The following TMEM74 variants were observed in gnomAD, a reference collection of about 807,000 sequenced individuals.
TMEM74 encodes transmembrane protein 74.
A neutral mutation model predicts 18.1 loss-of-function variants in TMEM74; 13 were observed. The observed-to-expected ratio is 0.72, with a 90% CI of 0.47 to 1.14. The LOEUF (loss-of-function observed/expected upper bound fraction) is 1.14. Among genes scored for constraint, TMEM74 ranks in the 50% most tolerant of loss-of-function variants. TMEM74 has a pLI of 0.00. For missense variants in TMEM74, 372 were observed against 375.9 expected (o/e 0.99, Z 0.09); for synonymous variants, 159 against 146.6 (o/e 1.08, Z -0.61).
intron 1 of TMEM74, among the ~76,000 whole-genome samples, chr8:108,676,321 G>A (rs1316136980): frequency 3.9e-5 from 6 of 152,130 alleles, no homozygotes; most frequent in South Asian, 4.1e-4. Context: ...GGGACCCTAC[G>A]TGGTCTTGTC....
intron 1 of TMEM74, among the ~76,000 whole-genome samples, chr8:108,667,894 A>G (rs984782512): frequency 1.3e-5 from 2 of 152,056 alleles, no homozygotes; most frequent in African/African-American, 4.8e-5. Context: ...ACCTCCTCCC[A>G]TAATACTAAG....
At position 108,784,923 on chromosome 8, in the gene TMEM74, T is replaced by G. The variant is rs747578668; in HGVS notation, c.176A>C (p.Lys59Thr). ...TPRATEMEGS[K>T]LSSSPASPSS... Reference sequence around the variant, plus strand: ...GGGGGATGCTGGAGAAGAACTAAGTTTAGACCCTTCCATCTCGGTTGCTCT... The same window carrying G: ...GGGGGATGCTGGAGAAGAACTAAGTGTAGACCCTTCCATCTCGGTTGCTCT... Residue 59 changes from lysine (K) to threonine (T), a missense_variant, in exon 2 of 2, where the codon AAA becomes ACA. Physicochemically the swap from Lys to Thr is moderately conservative, Grantham distance 78. Coordinates refer to ENST00000297459, the MANE Select transcript of TMEM74 (RefSeq NM_153015.3). The G allele has an allele frequency of 6.2e-7, 1 of 1,614,106 alleles. No individual in the cohort carries two copies. The highest frequency in any genetic ancestry group is 1.1e-5 in the South Asian group (1 of 91,070).
intron 1 of TMEM74, among the ~76,000 whole-genome samples, chr8:108,729,045 G>A (rs1813668832): frequency 6.6e-6 from 1 of 152,194 alleles, no homozygotes; most frequent in Non-Finnish European, 1.5e-5. Flanking sequence ...CTGCAAATGA[G>A]ACTTCTTTAT....
At chr8:108,744,038 T>C (rs1261660718) in intron 1 of TMEM74, among the ~76,000 whole-genome samples, 1 of 151,242 alleles carries the variant, frequency 6.6e-6, no homozygotes, top group East Asian at 2.0e-4. Flanking sequence ...GGGCAATGTT[T>C]AGTGCACCTG....
In TMEM74 at chr8:108,730,634, C is replaced by CTTTTTTTTTTTT. The variant is rs1199122765; in HGVS notation, n.119+56830_119+56841dup. Among the ~76,000 whole-genome samples, 17 of 132,168 alleles carry CTTTTTTTTTTTT rather than the reference C, an allele frequency of 1.3e-4. 1 individual carries two copies. The highest frequency in any genetic ancestry group is 3.7e-4 in the African/African-American group (12 of 32,624). The allele number at this position is 132,168 out of a possible 152,430, so 86.7% of individuals were successfully genotyped here. A position where few individuals can be genotyped will look rare whatever the true frequency, so the allele number is the denominator to read the frequency against. ...TTAGCTTTAAATGTATGCAGACTTC[C>CTTTTTTTTTTTT]TTTTTTTTTTTTTTTTTGTGACGGA... On this transcript the variant is annotated intron_variant and non_coding_transcript_variant, in intron 1 of 3. Transcript: ENST00000518838.
At chr8:108,651,264 G>C (rs79034024) in intron 2 of TMEM74, among the ~76,000 whole-genome samples, 1 of 152,176 alleles carries the variant, frequency 6.6e-6, no homozygotes, top group Non-Finnish European at 1.5e-5. Flanking sequence ...TGAAATGAAT[G>C]AATCTTTTTT....
chr8:108,627,822 G>A (rs1812509195), intron 2 of TMEM74, among the ~76,000 whole-genome samples: 1 of 152,018 alleles, frequency 6.6e-6, no homozygotes, highest in Admixed American at 6.6e-5. Context: ...GGAAGCTGAG[G>A]CGGATGTTTG....
rs1349247966 is a variant in TMEM74 at position 108,782,622 on chromosome 8, C to T, written c.*1559G>A. Among the ~76,000 whole-genome samples the T allele has an allele frequency of 6.6e-6, 1 of 152,164 alleles. No homozygotes were observed. Among genetic ancestry groups the T allele is most frequent in the Non-Finnish European group, 1.5e-5 (1 of 68,032 alleles). The stretch of plus-strand genomic sequence containing the variant: ...ATTTTGCCAAAGTCACCCATGTATT[C>T]CACAGTTGTCCACAACACCACAAAC... On this transcript the variant is annotated 3_prime_UTR_variant, in exon 2 of 2. Transcript: ENST00000297459.
chr8:108,728,234 C>T (rs1017652192), intron 1 of TMEM74, among the ~76,000 whole-genome samples: 11 of 152,090 alleles, frequency 7.2e-5, no homozygotes, highest in Admixed American at 7.2e-4. Flanking sequence ...ATAGCATATG[C>T]TTGTATGGCT....
intron 2 of TMEM74, among the ~76,000 whole-genome samples, chr8:108,609,960 G>A (rs1812318811): frequency 6.6e-6 from 1 of 152,206 alleles, no homozygotes; most frequent in Non-Finnish European, 1.5e-5. Flanking sequence ...GCTCAGAACA[G>A]AAGAAGAAAG....
intron 1 of TMEM74, among the ~76,000 whole-genome samples, chr8:108,734,357 A>C (rs1813724851): frequency 6.6e-6 from 1 of 152,054 alleles, no homozygotes; most frequent in Non-Finnish European, 1.5e-5. Context: ...CCTATCATGA[A>C]ACTTCTAAGC....
intron 1 of TMEM74, among the ~76,000 whole-genome samples, chr8:108,746,940 G>A (rs551836713): frequency 6.6e-6 from 1 of 152,196 alleles, no homozygotes; most frequent in Admixed American, 6.5e-5. Context: ...CCATCTGGTT[G>A]TTCCTGATTT....
chr8:108,706,326 G>T (rs886436132), intron 1 of TMEM74, among the ~76,000 whole-genome samples: 3 of 152,136 alleles, frequency 2.0e-5, no homozygotes, highest in South Asian at 2.1e-4. Flanking sequence ...AAAATGGGAG[G>T]ATGTACTCTG....
chr8:108,652,662 A>T, intron 2 of TMEM74: 1 of 607,928 alleles, frequency 1.6e-6, no homozygotes, highest in South Asian at 1.7e-5. Context: ...AAGAAAAGCC[A>T]ATTGTGCAGA....
In TMEM74 at chr8:108,782,712, G is replaced by C. The variant is rs747504134; in HGVS notation, c.*1469C>G. Among the ~76,000 whole-genome samples, 6 of 152,098 alleles carry C rather than the reference G, an allele frequency of 3.9e-5. No homozygotes were observed. Among genetic ancestry groups the C allele is most frequent in the Non-Finnish European group, 5.9e-5 (4 of 68,030 alleles). Reference sequence around the variant, plus strand: ...ATCACTTTCTTACTTCCTCATTCCTGCTGTCTCATACCAATTCCCAGCTCC... The same window carrying C: ...ATCACTTTCTTACTTCCTCATTCCTCCTGTCTCATACCAATTCCCAGCTCC... On this transcript the variant is annotated 3_prime_UTR_variant, in exon 2 of 2. Transcript: ENST00000297459.
Position 108,637,362 on chromosome 8 carries a change from T to C in TMEM74, n.264+17931A>G, listed in dbSNP as rs368807545. ...TAGGCAGAATAATGGTACTCAAAAA[T>C]GCCCACTTCCTAATCTCTGGAACCT... On this transcript the variant is annotated intron_variant and non_coding_transcript_variant, in intron 2 of 3. Coordinates refer to the TMEM74 transcript ENST00000518838. 6.0e-4 allele frequency among the ~76,000 whole-genome samples: 92 copies of C among 152,194 alleles called. 1 individual carries two copies. Among genetic ancestry groups the C allele is most frequent in the African/African-American group, 2.1e-3 (88 of 41,564 alleles).
At chr8:108,727,013 T>C (rs1416784891) in intron 1 of TMEM74, among the ~76,000 whole-genome samples, 2 of 152,016 alleles carry the variant, frequency 1.3e-5, no homozygotes, top group African/African-American at 4.8e-5. Context: ...ATTGGGGGAA[T>C]AGCATTTCAG....
chr8:108,787,264 T>G (rs780367701), intron 1 of TMEM74, among the ~76,000 whole-genome samples: 1 of 152,180 alleles, frequency 6.6e-6, no homozygotes, highest in Admixed American at 6.5e-5. Flanking sequence ...CCCAAGCACC[T>G]GGCAGCGGTG....
chr8:108,732,527 T>C (rs571827291), intron 1 of TMEM74, among the ~76,000 whole-genome samples: 2 of 152,190 alleles, frequency 1.3e-5, no homozygotes, highest in African/African-American at 2.4e-5. Flanking sequence ...CAGTGTGGCA[T>C]TGGTAAAATA....
Sources: allele counts gnomAD v4.1 joint callset (sites outside exome capture counted in the v4.1 genomes callset), GRCh38; gene constraint gnomAD v4.1.1; transcripts MANE v1.5; gene names NCBI Gene and HGNC (gene_info 2026-07-23, HGNC 2026-07-21).